Variants in DENND1B observed in about 807,000 individuals in gnomAD.
DENND1B encodes DENN domain-containing protein 1B.
DENND1B carries 59 observed loss-of-function variants against 90.1 expected under a neutral mutation model. The observed-to-expected ratio is 0.65, with a 90% CI of 0.53 to 0.81. The LOEUF is 0.81. DENND1B is among the 40% of genes least tolerant of loss of function. DENND1B has a pLI of 0.00. For synonymous variants in DENND1B, 337 were observed against 324.6 expected (o/e 1.04, Z -0.41); for missense variants, 862 against 912.6 (o/e 0.94, Z 0.71).
chr1:197,724,728 G>A (rs1661475009), intron 2 of DENND1B, among the ~76,000 whole-genome samples: 2 of 151,866 alleles, frequency 1.3e-5, no homozygotes, highest in African/African-American at 4.8e-5. Context: ...ATATTGTAAG[G>A]ATATTTAAAA....
At chr1:197,706,723 A>C (rs1659569136) in intron 3 of DENND1B, among the ~76,000 whole-genome samples, 1 of 152,178 alleles carries the variant, frequency 6.6e-6, no homozygotes, top group Non-Finnish European at 1.5e-5. Context: ...AACCACAAAG[A>C]GTTATCATCT....
At chr1:197,669,971 GTTC>G (rs1427594051) in intron 5 of DENND1B, among the ~76,000 whole-genome samples, 1 of 151,884 alleles carries the variant, frequency 6.6e-6, no homozygotes. Flanking sequence ...AAATTCAGGC[GTTC>G]TTCTACATAT....
At chr1:197,576,266 A>G (rs973594881) in intron 15 of DENND1B, among the ~76,000 whole-genome samples, 6 of 152,220 alleles carry the variant, frequency 3.9e-5, no homozygotes, top group African/African-American at 1.4e-4. Context: ...AGGAACATTC[A>G]ATGTGATTGC....
intron 1 of DENND1B, among the ~76,000 whole-genome samples, chr1:197,774,837 AGGGGCCGCCC>A (rs1425141060): frequency 6.6e-6 from 1 of 152,204 alleles, no homozygotes; most frequent in Non-Finnish European, 1.5e-5. Flanking sequence ...CGGCGGTGTC[AGGGGCCGCCC>A]GGCCTCCCCT....
intron 10 of DENND1B, among the ~76,000 whole-genome samples, chr1:197,626,435 A>G (rs1295575032): frequency 6.6e-6 from 1 of 152,044 alleles, no homozygotes; most frequent in Non-Finnish European, 1.5e-5. Flanking sequence ...GGGTACATAA[A>G]TAATGAAATG....
At chr1:197,760,956 G>A (rs778050078) in intron 2 of DENND1B, among the ~76,000 whole-genome samples, 7 of 152,096 alleles carry the variant, frequency 4.6e-5, no homozygotes, top group Non-Finnish European at 8.8e-5. Flanking sequence ...ATCATTAAAA[G>A]TTGGAAGCTA....
intron 20 of DENND1B, among the ~76,000 whole-genome samples, chr1:197,537,612 G>C (rs1056172192): frequency 6.6e-6 from 1 of 151,814 alleles, no homozygotes; most frequent in Non-Finnish European, 1.5e-5. Context: ...ATTTGCTTGA[G>C]GGCAGTAATC....
chr1:197,616,151 T>C (rs1677626496), intron 11 of DENND1B, among the ~76,000 whole-genome samples: 2 of 150,986 alleles, frequency 1.3e-5, no homozygotes, highest in Non-Finnish European at 3.0e-5. Context: ...TAACATCATA[T>C]ATAAAACGTA....
intron 3 of DENND1B, among the ~76,000 whole-genome samples, chr1:197,679,320 T>A (rs532186413): frequency 6.7e-6 from 1 of 150,154 alleles, no homozygotes; most frequent in South Asian, 2.1e-4. Context: ...AGACTATGCA[T>A]CTGCAGATTC....
intron 13 of DENND1B, among the ~76,000 whole-genome samples, chr1:197,602,913 T>C (rs189933450): frequency 6.6e-6 from 1 of 151,542 alleles, no homozygotes; most frequent in East Asian, 2.0e-4. Context: ...TCTTTCCTTT[T>C]TTTATCACAA....
chr1:197,596,406 T>C (rs564102727), intron 13 of DENND1B, among the ~76,000 whole-genome samples: 1 of 152,006 alleles, frequency 6.6e-6, no homozygotes, highest in Non-Finnish European at 1.5e-5. Flanking sequence ...CTTAAAAATA[T>C]TGGTTCTCAT....
intron 2 of DENND1B, among the ~76,000 whole-genome samples, chr1:197,760,262 T>C (rs776462378): frequency 6.6e-6 from 1 of 152,138 alleles, no homozygotes; most frequent in Non-Finnish European, 1.5e-5. Context: ...AGGTAGAAAA[T>C]TTGATATGAA....
chr1:197,735,414 G>T, intron 2 of DENND1B: 1 of 1,426,412 alleles, frequency 7.0e-7, no homozygotes, highest in Non-Finnish European at 9.1e-7. Context: ...AGAATTCACT[G>T]TTAAAAAAAA....
chr1:197,627,014 T>G (rs1196686201), intron 10 of DENND1B, among the ~76,000 whole-genome samples: 6 of 151,994 alleles, frequency 3.9e-5, no homozygotes, highest in Admixed American at 6.6e-5. Flanking sequence ...AATAACAGGA[T>G]CTGAAATTGT....
At chr1:197,544,991 G>GGAA (rs1205958534) in intron 18 of DENND1B, among the ~76,000 whole-genome samples, 36 of 130,724 alleles carry the variant, frequency 2.8e-4, no homozygotes, top group African/African-American at 1.1e-3. Context: ...AGGGGAAGAA[G>GGAA]GAAGAAGGAA....
intron 2 of DENND1B, among the ~76,000 whole-genome samples, chr1:197,744,540 A>T (rs1056008913): frequency 2.6e-5 from 4 of 152,218 alleles, no homozygotes; most frequent in Admixed American, 6.5e-5. Flanking sequence ...GTGGCCCTAG[A>T]ATATTCGATA....
At chr1:197,630,108 T>C (rs1572128206) in intron 10 of DENND1B, among the ~76,000 whole-genome samples, 1 of 152,108 alleles carries the variant, frequency 6.6e-6, no homozygotes, top group African/African-American at 2.4e-5. Flanking sequence ...GAATACAAAA[T>C]GGTACAGCCA....
Position 197,617,644 on chromosome 1 carries a change from C to CAA in DENND1B, c.773+13_773+14dup. 11 of 1,597,116 alleles carry CAA rather than the reference C, an allele frequency of 6.9e-6. No homozygotes were observed. The highest frequency in any genetic ancestry group is 9.4e-6 in the Non-Finnish European group (11 of 1,166,590). The stretch of plus-strand genomic sequence containing the variant: ...GAAACCTAAACTTAAAGGAGTCTGG[C>CAA]AAAAGCCAGCTTACCAGCAGTAGTC... On this transcript the variant is annotated intron_variant, in intron 11 of 22. Transcript: ENST00000620048.
intron 2 of DENND1B, among the ~76,000 whole-genome samples, chr1:197,760,390 C>G (rs994834140): frequency 6.6e-6 from 1 of 152,060 alleles, no homozygotes; most frequent in African/African-American, 2.4e-5. Flanking sequence ...TGGCTCACAC[C>G]TATAATCCCA....
Sources: allele counts gnomAD v4.1 joint callset (sites outside exome capture counted in the v4.1 genomes callset), GRCh38; gene constraint gnomAD v4.1.1; transcripts MANE v1.5; gene names NCBI Gene and HGNC (gene_info 2026-07-23, HGNC 2026-07-21).